THSD7A: variants seen among roughly 807,000 people sequenced by gnomAD.
THSD7A encodes thrombospondin type-1 domain-containing protein 7A.
A neutral mutation model predicts 231.3 loss-of-function variants in THSD7A; 96 were observed. That is an observed-to-expected ratio of 0.41 (90% confidence interval 0.35 to 0.49). The LOEUF (loss-of-function observed/expected upper bound fraction) is 0.49, where lower values mean the gene tolerates loss of function less well. THSD7A is among the 20% of genes least tolerant of loss of function. THSD7A has a pLI of 0.05. For missense variants in THSD7A, 2,290 were observed against 2,070.2 expected (o/e 1.11, Z -2.06); for synonymous variants, 940 against 743.3 (o/e 1.26, Z -4.30).
At chr7:11,820,291 G>T in intron 1 of THSD7A, 2 of 535,348 alleles carry the variant, frequency 3.7e-6, no homozygotes, top group Non-Finnish European at 6.0e-6. Flanking sequence ...TCTCCCCTGG[G>T]CAAGGAATTC....
intron 1 of THSD7A, among the ~76,000 whole-genome samples, chr7:11,645,932 T>A (rs964277923): frequency 6.6e-6 from 1 of 151,930 alleles, no homozygotes; most frequent in African/African-American, 2.4e-5. Context: ...AAAGTAGTTA[T>A]ATAAACTGTA....
chr7:11,739,072 C>T (rs1026407360), intron 1 of THSD7A, among the ~76,000 whole-genome samples: 1 of 151,902 alleles, frequency 6.6e-6, no homozygotes, highest in Non-Finnish European at 1.5e-5. Flanking sequence ...TATTTTTATT[C>T]GGTGGCCCAA....
intron 1 of THSD7A, among the ~76,000 whole-genome samples, chr7:11,752,762 AT>A (rs1269167242): frequency 2.6e-5 from 4 of 151,976 alleles, no homozygotes; most frequent in Non-Finnish European, 4.4e-5. Context: ...CAAAAAATAA[AT>A]TAAAAAAATT....
At chr7:11,688,560 G>T (rs1780134792) in intron 1 of THSD7A, among the ~76,000 whole-genome samples, 1 of 151,802 alleles carries the variant, frequency 6.6e-6, no homozygotes, top group South Asian at 2.1e-4. Flanking sequence ...TACACAGAGT[G>T]ACCTTTCTGA....
intron 1 of THSD7A, among the ~76,000 whole-genome samples, chr7:11,750,872 G>T (rs920863460): frequency 6.6e-6 from 1 of 152,020 alleles, no homozygotes; most frequent in African/African-American, 2.4e-5. Flanking sequence ...GGAAAAACAA[G>T]TCAGGGGATT....
chr7:11,385,538 ATCTT>A (rs1392625926), intron 23 of THSD7A: 2 of 152,124 alleles, frequency 1.3e-5, no homozygotes, highest in Admixed American at 6.6e-5. Flanking sequence ...AAAAAATTAT[ATCTT>A]TATTTCTGTT....
chr7:11,545,727 C>A (rs1789352267), intron 4 of THSD7A, among the ~76,000 whole-genome samples: 1 of 152,182 alleles, frequency 6.6e-6, no homozygotes. Flanking sequence ...CCTCAACAGA[C>A]ATTTGAGTTT....
rs1419988762 is a variant in THSD7A, at chr7:11,769,126, T to C, written c.190+62631A>G. ...GCACCTGCCATAATTCCTGGCAATATATATATATATATATATATATATATA... is the reference window on the plus strand; with the variant it reads ...GCACCTGCCATAATTCCTGGCAATACATATATATATATATATATATATATA... On this transcript the variant is annotated intron_variant, in intron 1 of 27. Coordinates refer to ENST00000423059, the MANE Select transcript of THSD7A (RefSeq NM_015204.3). Among the ~76,000 whole-genome samples the C allele has an allele frequency of 3.3e-3, 113 of 34,372 alleles. 9 individuals are homozygous for C. The highest frequency in any genetic ancestry group is 5.1e-3 in the Non-Finnish European group (77 of 15,220). 22.5% of individuals were successfully genotyped at this position (34,372 alleles called of 152,430 possible).
chr7:11,459,466 A>G (rs1785420938), intron 11 of THSD7A, among the ~76,000 whole-genome samples: 1 of 152,110 alleles, frequency 6.6e-6, no homozygotes, highest in Middle Eastern at 3.2e-3. Context: ...TTTCAGTTCT[A>G]TATACTTAAG....
intron 1 of THSD7A, among the ~76,000 whole-genome samples, chr7:11,704,390 T>C (rs1780697409): frequency 6.6e-6 from 1 of 150,980 alleles, no homozygotes; most frequent in African/African-American, 2.4e-5. Context: ...GTTTTCTTCC[T>C]GAGTCATGTA....
rs182428255 is a variant in THSD7A, at chr7:11,772,142, C to T, written c.190+59615G>A. Among the ~76,000 whole-genome samples, 3 of 151,986 alleles carry T rather than the reference C, an allele frequency of 2.0e-5. No homozygotes were observed. The East Asian group carries it at 5.8e-4, about 29-fold the overall frequency. ...TAATACTCTAATCGTTAGAGAAATGCAAATTCAAACCACAATGAGATACTA... is the reference window on the plus strand; with the variant it reads ...TAATACTCTAATCGTTAGAGAAATGTAAATTCAAACCACAATGAGATACTA... On this transcript the variant is annotated intron_variant, in intron 1 of 27. Transcript: ENST00000423059.
chr7:11,379,415 C>G, intron 25 of THSD7A, 135 bp from the exon 26 acceptor site: 1 of 936,232 alleles, frequency 1.1e-6, no homozygotes, highest in Non-Finnish European at 1.6e-6. Flanking sequence ...TTATTTTTAA[C>G]TACAAAGAAA....
intron 1 of THSD7A, among the ~76,000 whole-genome samples, chr7:11,659,810 C>A (rs1782857683): frequency 6.6e-6 from 1 of 151,430 alleles, no homozygotes; most frequent in South Asian, 2.1e-4. Context: ...TTCCAATGAG[C>A]ACACTACCTT....
rs1782400101 is a variant in THSD7A at position 11,379,102 on chromosome 7, C to T, written c.4769G>A (p.Gly1590Glu). 1.2e-6 allele frequency: 2 copies of T among 1,613,540 alleles called. No homozygotes were observed. Among genetic ancestry groups the T allele is most frequent in the Non-Finnish European group, 1.7e-6 (2 of 1,179,658 alleles). The change falls in exon 26 of 28, where the codon GGA becomes GAA. Residue 1590 changes from glycine (G) to glutamate (E), a missense_variant. Coordinates refer to ENST00000423059, the MANE Select transcript of THSD7A (RefSeq NM_015204.3). Reference protein sequence around the residue: ...TQPSSNPAGRGRTWFLQPFGP... With the variant: ...TQPSSNPAGRERTWFLQPFGP... ...AAATGGCTGTAGAAACCAGGTCCTTCCCCGTCCTGCTGGGTTACTGGAGGG... is the reference window on the plus strand; with the variant it reads ...AAATGGCTGTAGAAACCAGGTCCTTTCCCGTCCTGCTGGGTTACTGGAGGG...
chr7:11,693,711 A>C (rs1780303827), intron 1 of THSD7A, among the ~76,000 whole-genome samples: 1 of 151,534 alleles, frequency 6.6e-6, no homozygotes, highest in African/African-American at 2.4e-5. Flanking sequence ...GGTTAGCAAT[A>C]ATCATAGTGT....
At chr7:11,697,998 G>T (rs890048449) in intron 1 of THSD7A, among the ~76,000 whole-genome samples, 1 of 151,340 alleles carries the variant, frequency 6.6e-6, no homozygotes. Context: ...CAGTTGATCT[G>T]GAAGCTGTTG....
chr7:11,611,787 A>AACAC (rs56683135), intron 2 of THSD7A, among the ~76,000 whole-genome samples: 4,417 of 138,654 alleles, frequency 0.032, 248 homozygotes, highest in East Asian at 0.14. Flanking sequence ...AGTACCATAA[A>AACAC]ACACACACAC....
chr7:11,503,280 C>T (rs1787413287), intron 6 of THSD7A, among the ~76,000 whole-genome samples: 1 of 152,144 alleles, frequency 6.6e-6, no homozygotes, highest in African/African-American at 2.4e-5. Flanking sequence ...TGAAGCTGGA[C>T]CCCTTTCTTA....
chr7:11,687,377 A>G (rs913845360), intron 1 of THSD7A, among the ~76,000 whole-genome samples: 1 of 151,978 alleles, frequency 6.6e-6, no homozygotes, highest in Non-Finnish European at 1.5e-5. Flanking sequence ...GGTTTATGTC[A>G]TTAGTCATCT....
Sources: allele counts gnomAD v4.1 joint callset (sites outside exome capture counted in the v4.1 genomes callset), GRCh38; gene constraint gnomAD v4.1.1; transcripts MANE v1.5; gene names NCBI Gene and HGNC (gene_info 2026-07-23, HGNC 2026-07-21).